WDPCP: variants seen among roughly 807,000 people sequenced by gnomAD.
The protein encoded by WDPCP is WD repeat-containing and planar cell polarity effector protein fritz homolog.
A neutral mutation model predicts 93.1 loss-of-function variants in WDPCP; 71 were observed. The ratio of observed to expected loss-of-function variants is 0.76; its 90% CI spans 0.63 to 0.93. WDPCP has a LOEUF of 0.93. Among genes scored for constraint, WDPCP ranks in the 40% least tolerant of loss-of-function variants. The pLI, the probability that WDPCP is intolerant of heterozygous loss-of-function variation, is 0.00. For missense variants in WDPCP, 844 were observed against 887.4 expected (o/e 0.95, Z 0.62); for synonymous variants, 315 against 315.0 (o/e 1.00, Z 0.00).
intron 15 of WDPCP, among the ~76,000 whole-genome samples, chr2:63,170,975 T>C (rs1031494881): frequency 2.0e-5 from 3 of 152,116 alleles, no homozygotes; most frequent in African/African-American, 7.2e-5. Flanking sequence ...GAAAATGAGT[T>C]TTTTTTCTTC....
intron 12 of WDPCP, among the ~76,000 whole-genome samples, chr2:63,320,875 A>G (rs1038594030): frequency 1.3e-5 from 2 of 152,178 alleles, no homozygotes; most frequent in African/African-American, 4.8e-5. Context: ...GAACATTTCA[A>G]TTAAAAGACA....
intron 1 of WDPCP, among the ~76,000 whole-genome samples, chr2:63,531,577 T>A (rs1461092374): frequency 6.6e-6 from 1 of 152,142 alleles, no homozygotes; most frequent in Non-Finnish European, 1.5e-5. Flanking sequence ...GTAAACAGGG[T>A]CTGGAGTGGA....
chr2:63,781,051 G>A (rs975037512), intron 2 of WDPCP, among the ~76,000 whole-genome samples: 1 of 152,204 alleles, frequency 6.6e-6, no homozygotes, highest in Non-Finnish European at 1.5e-5. Flanking sequence ...AACCAGGTCT[G>A]TTACAGAATT....
intron 2 of WDPCP, among the ~76,000 whole-genome samples, chr2:63,808,951 G>A (rs552329374): frequency 1.7e-4 from 26 of 151,702 alleles, no homozygotes; most frequent in African/African-American, 5.8e-4. Flanking sequence ...GTCTCTGCCC[G>A]GCCTCCCATC....
intron 2 of WDPCP, among the ~76,000 whole-genome samples, chr2:63,675,055 T>C (rs1490380635): frequency 1.3e-5 from 2 of 152,184 alleles, no homozygotes; most frequent in African/African-American, 4.8e-5. Context: ...TGCCCTGGTC[T>C]TGGGGTTCCT....
intron 1 of WDPCP, among the ~76,000 whole-genome samples, chr2:63,587,502 A>C (rs1421287182): frequency 1.3e-5 from 2 of 152,216 alleles, no homozygotes; most frequent in Non-Finnish European, 2.9e-5. Context: ...AAAAATTGAA[A>C]GATATTACTT....
chr2:63,526,755 A>T (rs750753842), intron 1 of WDPCP, among the ~76,000 whole-genome samples: 1 of 152,172 alleles, frequency 6.6e-6, no homozygotes, highest in Non-Finnish European at 1.5e-5. Flanking sequence ...GTCTTCTCCA[A>T]TAACCCCCAT....
At chr2:63,515,739 G>A (rs1575562854) in intron 1 of WDPCP, among the ~76,000 whole-genome samples, 1 of 152,154 alleles carries the variant, frequency 6.6e-6, no homozygotes, top group Non-Finnish European at 1.5e-5. Flanking sequence ...TATAATCACC[G>A]CTGGGCACAG....
intron 14 of WDPCP, among the ~76,000 whole-genome samples, chr2:63,180,508 G>A (rs1674162790): frequency 6.6e-6 from 1 of 152,024 alleles, no homozygotes; most frequent in African/African-American, 2.4e-5. Flanking sequence ...TGCTGCAAAA[G>A]ATGATTTTAT....
chr2:63,740,068 C>T (rs1017590726), intron 2 of WDPCP, among the ~76,000 whole-genome samples: 4 of 152,052 alleles, frequency 2.6e-5, no homozygotes, highest in African/African-American at 4.8e-5. Flanking sequence ...GATTACACTA[C>T]AATTTAGTCA....
intron 1 of WDPCP, among the ~76,000 whole-genome samples, chr2:63,818,103 A>T (rs1366781342): frequency 2.0e-5 from 3 of 152,222 alleles, no homozygotes; most frequent in Non-Finnish European, 2.9e-5. Flanking sequence ...GAGTAATGAA[A>T]GAGAATTGGC....
chr2:63,324,919 A>G (rs951817576), intron 12 of WDPCP, among the ~76,000 whole-genome samples: 1 of 152,220 alleles, frequency 6.6e-6, no homozygotes. Flanking sequence ...GCTTTCCTCA[A>G]GTGGCTACAG....
chr2:63,252,010 T>C (rs1027240623), intron 14 of WDPCP, among the ~76,000 whole-genome samples: 4 of 152,112 alleles, frequency 2.6e-5, no homozygotes, highest in African/African-American at 9.7e-5. Flanking sequence ...CCAATATGCC[T>C]GATGAACATA....
intron 10 of WDPCP, among the ~76,000 whole-genome samples, chr2:63,403,397 C>T (rs933862322): frequency 1.3e-5 from 2 of 150,724 alleles, no homozygotes; most frequent in African/African-American, 4.9e-5. Flanking sequence ...TATAACAAAC[C>T]TGCATGTGTA....
At chr2:63,228,005 C>T (rs983685807) in intron 14 of WDPCP, among the ~76,000 whole-genome samples, 1 of 152,020 alleles carries the variant, frequency 6.6e-6, no homozygotes, top group African/African-American at 2.4e-5. Context: ...AATGTTACTA[C>T]TTGTATCATT....
intron 1 of WDPCP, among the ~76,000 whole-genome samples, chr2:63,543,561 T>C (rs974301111): frequency 5.9e-5 from 9 of 151,976 alleles, no homozygotes; most frequent in Non-Finnish European, 1.0e-4. Flanking sequence ...TTTAAATTAT[T>C]ATCCATATAA....
intron 12 of WDPCP, among the ~76,000 whole-genome samples, chr2:63,357,073 G>A (rs976993542): frequency 1.3e-5 from 2 of 152,202 alleles, no homozygotes; most frequent in Non-Finnish European, 2.9e-5. Context: ...CTAGCCATAT[G>A]CAGAAGATTG....
chr2:63,686,317 A>G (rs941049438), intron 2 of WDPCP, among the ~76,000 whole-genome samples: 16 of 152,258 alleles, frequency 1.1e-4, no homozygotes, highest in Admixed American at 2.6e-4. Context: ...AATCTGAAAA[A>G]GAAATCAAGA....
chr2:63,439,029 C>G (rs1697327922), intron 7 of WDPCP, among the ~76,000 whole-genome samples: 1 of 152,112 alleles, frequency 6.6e-6, no homozygotes, highest in Non-Finnish European at 1.5e-5. Flanking sequence ...CTATATGACT[C>G]TGGACATGTT....
Sources: allele counts gnomAD v4.1 joint callset (sites outside exome capture counted in the v4.1 genomes callset), GRCh38; gene constraint gnomAD v4.1.1; transcripts MANE v1.5; gene names NCBI Gene and HGNC (gene_info 2026-07-23, HGNC 2026-07-21).